SLX4: variants seen among roughly 807,000 people sequenced by gnomAD.
SLX4 encodes structure-specific endonuclease subunit SLX4.
A neutral mutation model predicts 146.2 loss-of-function variants in SLX4; 112 were observed. The ratio of observed to expected loss-of-function variants is 0.77; its 90% CI spans 0.66 to 0.90. The LOEUF (loss-of-function observed/expected upper bound fraction) is 0.90. Among genes scored for constraint, SLX4 ranks in the 40% least tolerant of loss-of-function variants. The pLI is 0.00. For synonymous variants in SLX4, 1,061 were observed against 997.7 expected (o/e 1.06, Z -1.20); for missense variants, 2,563 against 2,392.7 (o/e 1.07, Z -1.49).
chr16:3,584,999 A>G (rs911744375), intron 12 of SLX4, 128 bp from the exon 13 acceptor site: 6 of 774,866 alleles, frequency 7.7e-6, no homozygotes, highest in Non-Finnish European at 9.2e-6. Flanking sequence ...GCTCCATGAA[A>G]GCAACAGTGG....
Position 3,597,423 on chromosome 16 carries a change from T to G in SLX4, c.1639A>C (p.Thr547Pro), listed in dbSNP as rs781416857. ...ACGAGAGGAGGGACCAGCCTGGCCGTGTAGAAGTCCTCCATGGCCCAGGCC... is the reference window on the plus strand; with the variant it reads ...ACGAGAGGAGGGACCAGCCTGGCCGGGTAGAAGTCCTCCATGGCCCAGGCC... ...TGAWAMEDFY[T>P]ARLVPPLVPQ... The change falls in exon 7 of 15, where the codon ACG (threonine) becomes CCG (proline). Residue 547 changes from threonine (T) to proline (P), a missense_variant. Physicochemically the swap from Thr to Pro is conservative, Grantham distance 38. Coordinates refer to ENST00000294008, the MANE Select transcript of SLX4 (RefSeq NM_032444.4). The surrounding 1 kb of genome is among the most constrained non-coding windows in gnomAD (Gnocchi z 4.4). 1.9e-6 allele frequency: 3 copies of G among 1,606,038 alleles called. No individual in the cohort carries two copies. In the African/African-American group the frequency reaches 4.0e-5, roughly 21 times the overall value.
intron 7 of SLX4, 136 bp from the exon 8 acceptor site, chr16:3,596,529 C>G: frequency 1.8e-6 from 2 of 1,094,888 alleles, no homozygotes. Context: ...ACAGACTGTC[C>G]CCGGGGCTCC....
rs1417050698 is a variant in SLX4 at position 3,608,653 on chromosome 16, T to G, written c.312A>C (p.Gln104His). 4 of 1,614,214 alleles carry G rather than the reference T, an allele frequency of 2.5e-6. No individual in the cohort carries two copies. Among genetic ancestry groups the G allele is most frequent in the Non-Finnish European group, 2.5e-6 (3 of 1,180,034 alleles). ...KQTATKTKTL[Q>H]GPAEKKPPSG... Reference sequence around the variant, plus strand: ...ACGGAGGTTTCTTCTCTGCAGGGCCTTGAAGGGTTTTGGTCTTGGTAGCAG... The same window carrying G: ...ACGGAGGTTTCTTCTCTGCAGGGCCGTGAAGGGTTTTGGTCTTGGTAGCAG... The change falls in exon 2 of 15, where the codon CAA becomes CAC. Residue 104 changes from glutamine (Q) to histidine (H), a missense_variant. Gln to His is a conservative substitution (Grantham distance 24). Coordinates refer to ENST00000294008, the MANE Select transcript of SLX4 (RefSeq NM_032444.4).
In SLX4 at chr16:3,589,210, G is replaced by A. The variant is rs1041648763; in HGVS notation, c.4428C>T (p.Thr1476=). 1.2e-6 allele frequency: 2 copies of A among 1,613,760 alleles called. No individual in the cohort carries two copies. Among genetic ancestry groups the A allele is most frequent in the Non-Finnish European group, 1.7e-6 (2 of 1,179,802 alleles). ...GGGTAGTGCAGCTTCCTCGGATGGG[G>A]GTGGTGTCCAGGAGTCCCGGGGAGC... ...DCRSPGLLDT[T]PIRGSCTTQR... is the part of the protein sequence containing the mutation. Residue 1476 remains threonine, a synonymous_variant, in exon 12 of 15, where the codon ACC becomes ACT. Transcript: ENST00000294008. This position sits in a 1 kb window ranked among gnomAD's most constrained non-coding sequence, Gnocchi z 6.2.
At chr16:3,592,168 G>A (rs576185412) in intron 11 of SLX4, among the ~76,000 whole-genome samples, 45 of 152,328 alleles carry the variant, frequency 3.0e-4, no homozygotes, top group South Asian at 1.2e-3. Context: ...AGAAAGCAGC[G>A]GAGGGAGGAC....
intron 11 of SLX4, 115 bp from the exon 12 acceptor site, chr16:3,591,425 A>T (rs745738338): frequency 2.3e-5 from 34 of 1,456,486 alleles, no homozygotes; most frequent in Non-Finnish European, 3.1e-5. Flanking sequence ...ACCATGACCC[A>T]GGCCCTGCTT....
intron 5 of SLX4, 97 bp from the exon 6 acceptor site, chr16:3,598,096 A>G: frequency 7.0e-7 from 1 of 1,437,946 alleles, no homozygotes; most frequent in Non-Finnish European, 9.8e-7. Context: ...CCTGAGAGAA[A>G]AGTGACGGAT....
rs555651511 is a variant in SLX4 at position 3,595,126 on chromosome 16, G to A, written c.2013+479C>T. Among the ~76,000 whole-genome samples, 5 of 152,284 alleles carry A rather than the reference G, an allele frequency of 3.3e-5. No individual in the cohort carries two copies. The South Asian group carries it at 8.3e-4, about 25-fold the overall frequency. On this transcript the variant is annotated intron_variant, in intron 9 of 14. Transcript: ENST00000294008. ...CTAGGGAAAAGCCAGTTCCCACCCC[G>A]GTTCTTCCCCAGACAGCGCACTGAC... is the stretch of plus-strand genomic sequence containing the variant.
rs1028968788 is a variant in SLX4, at chr16:3,596,340, C to G, written c.1737G>C (p.Leu579=). 1 of 1,595,572 alleles carries G rather than the reference C, an allele frequency of 6.3e-7. No homozygotes were observed. Among genetic ancestry groups the G allele is most frequent in the Non-Finnish European group, 8.5e-7 (1 of 1,171,902 alleles). Residue 579 remains leucine, a synonymous_variant, in exon 8 of 15, where the codon CTG becomes CTC. Coordinates refer to ENST00000294008, the MANE Select transcript of SLX4 (RefSeq NM_032444.4). ...GGAGAGCGGGTGACCTTCGCTCGCT[C>G]AGCTCTGAGTGCTCAGGTGGCACCA... ...PPLVPPEHSE[L]SERRSPALHG... is the part of the protein sequence containing the mutation.
chr16:3,602,094 G>C, intron 4 of SLX4, 24 bp downstream of exon 4: 1 of 1,613,934 alleles, frequency 6.2e-7, no homozygotes, highest in African/African-American at 1.3e-5. Flanking sequence ...ACACGGGAGA[G>C]GCGACGGCCC....
In SLX4 at chr16:3,595,615, C is replaced by T; in HGVS notation, c.2003G>A (p.Gly668Asp). The change falls in exon 9 of 15, where the codon GGC becomes GAC. Residue 668 changes from glycine (G) to aspartate (D), a missense_variant. Gly to Asp is a moderately conservative substitution (Grantham distance 94). Transcript: ENST00000294008. The part of the protein sequence containing the change: ...PSQDKHPDRG[G>D]RTLLSLGLLV... ...AGAGCCAGTTCTTACCAAGGTGCGG[C>T]CGCCCCTGTCCGGGTGCTTGTCCTG... 1 of 1,613,882 alleles carries T rather than the reference C, an allele frequency of 6.2e-7. No individual in the cohort carries two copies. Among genetic ancestry groups the T allele is most frequent in the Non-Finnish European group, 8.5e-7 (1 of 1,180,028 alleles).
chr16:3,610,553 G>A (rs955692054), intron 1 of SLX4, among the ~76,000 whole-genome samples: 8 of 152,170 alleles, frequency 5.3e-5, no homozygotes, highest in Admixed American at 4.6e-4. Context: ...AAGGAAACAC[G>A]CGCAAGCAGA....
rs2040542867 is a variant in SLX4 at position 3,589,147 on chromosome 16, G to A, written c.4491C>T (p.Ser1497=). 6.2e-7 allele frequency: 1 copy of A among 1,614,072 alleles called. No homozygotes were observed. Among genetic ancestry groups the A allele is most frequent in the Non-Finnish European group, 8.5e-7 (1 of 1,179,978 alleles). Residue 1497 remains serine, a synonymous_variant, in exon 12 of 15, where the codon TCC becomes TCT. Transcript: ENST00000294008. This position sits in a 1 kb window ranked among gnomAD's most constrained non-coding sequence, Gnocchi z 6.2. ...GAAAGCTCGGCCTGCTATTCCCCAGGGAGCCCGCGCCCGAGGACTTCTCTT... is the reference window on the plus strand; with the variant it reads ...GAAAGCTCGGCCTGCTATTCCCCAGAGAGCCCGCGCCCGAGGACTTCTCTT... ...KLQEKSSGAG[S]LGNSRPSFLN...
At chr16:3,585,565 G>T (rs566572240) in intron 12 of SLX4, among the ~76,000 whole-genome samples, 1 of 132,420 alleles carries the variant, frequency 7.6e-6, no homozygotes, top group Non-Finnish European at 1.6e-5. Context: ...CAGCCTGGGC[G>T]ACAGAGCAAG....
intron 11 of SLX4, among the ~76,000 whole-genome samples, chr16:3,592,138 G>C (rs902017867): frequency 1.2e-4 from 18 of 152,242 alleles, no homozygotes; most frequent in Admixed American, 7.2e-4. Flanking sequence ...AACTCCAGAG[G>C]CTGAGCTGTT....
chr16:3,599,929 A>G (rs1382079061), intron 5 of SLX4, among the ~76,000 whole-genome samples: 1 of 152,208 alleles, frequency 6.6e-6, no homozygotes, highest in Non-Finnish European at 1.5e-5. Flanking sequence ...TTATGTTAAC[A>G]GTGTGAAAAC....
At position 3,592,789 on chromosome 16, in the gene SLX4, T is replaced by C. The variant is rs1304366187; in HGVS notation, c.2237A>G (p.Glu746Gly). 6.2e-7 allele frequency: 1 copy of C among 1,612,620 alleles called. No individual in the cohort carries two copies. The highest frequency in any genetic ancestry group is 2.2e-5 in the East Asian group (1 of 44,856). ...ATAGTGCAGGAACGTGCGGGCGGCC[T>C]CGGTGCTCACGTCACCCAGCAGGAC... ...QRVLLGDVSTEAARTFLHYLY... is the reference protein window; with the variant it reads ...QRVLLGDVSTGAARTFLHYLY... The change falls in exon 11 of 15, where the codon GAG (glutamate) becomes GGG (glycine). Residue 746 changes from glutamate (E) to glycine (G), a missense_variant. Physicochemically the swap from Glu to Gly is moderately conservative, Grantham distance 98. Transcript: ENST00000294008.
intron 4 of SLX4, 38 bp from the exon 5 acceptor site, chr16:3,601,229 C>G: frequency 5.6e-6 from 9 of 1,603,550 alleles, no homozygotes; most frequent in Non-Finnish European, 6.8e-6. Context: ...ACCACCCTCC[C>G]CAGGAATGTG....
intron 9 of SLX4, among the ~76,000 whole-genome samples, chr16:3,594,955 CCT>C (rs1490636466): frequency 1.3e-5 from 2 of 152,152 alleles, no homozygotes; most frequent in Admixed American, 6.5e-5. Flanking sequence ...GCACCCATCC[CCT>C]GTGACGGACA....
Sources: gnomAD v4.1 joint callset for allele counts (sites outside exome capture counted in the v4.1 genomes callset) on GRCh38, gnomAD v4.1.1 for gene constraint, Gnocchi (gnomAD v3.1) non-coding constraint, MANE v1.5 for transcripts, NCBI Gene and HGNC (gene_info 2026-07-23, HGNC 2026-07-21) for gene names.